The following GRIP1 variants were observed in gnomAD, a reference collection of about 807,000 sequenced individuals.
The protein encoded by GRIP1 is glutamate receptor interacting protein 1.
GRIP1 carries 45 observed loss-of-function variants against 129.9 expected under a neutral mutation model. That is an observed-to-expected ratio of 0.35 (90% CI 0.27 to 0.44). The LOEUF is 0.44. Among genes scored for constraint, GRIP1 ranks in the 20% least tolerant of loss-of-function variants. The pLI, the probability that GRIP1 is intolerant of heterozygous loss-of-function variation, is 1.00. For synonymous variants in GRIP1, 530 were observed against 520.8 expected, an observed-to-expected ratio of 1.02 and a Z score of -0.24; for missense variants, 1,196 against 1,396.8, an observed-to-expected ratio of 0.86 and a Z score of 2.29.
intron 1 of GRIP1, among the ~76,000 whole-genome samples, chr12:67,063,455 T>C (rs1011722752): frequency 1.5e-4 from 23 of 152,268 alleles, no homozygotes; most frequent in African/African-American, 5.5e-4. Context: ...AATAAGAAAA[T>C]TTGAATAAGT....
At chr12:66,819,321 G>A (rs1486429385) in intron 1 of GRIP1, among the ~76,000 whole-genome samples, 2 of 152,138 alleles carry the variant, frequency 1.3e-5, no homozygotes, top group Admixed American at 1.3e-4. Flanking sequence ...CACATAAGAT[G>A]GTAGTTATGT....
chr12:66,373,647 C>A (rs558428902), intron 22 of GRIP1, among the ~76,000 whole-genome samples: 1 of 152,174 alleles, frequency 6.6e-6, no homozygotes, highest in Admixed American at 6.5e-5. Context: ...ATATATCTAA[C>A]AACTTTGTTG....
chr12:66,564,884 T>A (rs1401442217), intron 2 of GRIP1, among the ~76,000 whole-genome samples: 9 of 152,276 alleles, frequency 5.9e-5, no homozygotes, highest in Admixed American at 3.3e-4. Context: ...CCAGTGATGA[T>A]GAGCATTTTT....
intron 1 of GRIP1, among the ~76,000 whole-genome samples, chr12:66,791,259 TAA>T (rs765864592): frequency 6.6e-6 from 1 of 152,152 alleles, no homozygotes; most frequent in Non-Finnish European, 1.5e-5. Context: ...CAGAGTCAAG[TAA>T]ACTAAGAAGT....
chr12:66,455,288 A>C lies in GRIP1; in HGVS notation c.1354+121T>G. The C allele has an allele frequency of 4.4e-6, 4 of 913,562 alleles. No individual in the cohort carries two copies. In the South Asian group the frequency reaches 5.3e-5, roughly 12 times the overall value. 56.6% of individuals were successfully genotyped at this position (913,562 alleles called of 1,614,324 possible). A position where few individuals can be genotyped will look rare whatever the true frequency, so the allele number is the denominator to read the frequency against. ...TTTGGCACAGAGCTGTTAGCTGCTCAGCATCTACCTGATCACTTAAGCAAC... is the reference window on the plus strand; with the variant it reads ...TTTGGCACAGAGCTGTTAGCTGCTCCGCATCTACCTGATCACTTAAGCAAC... On this transcript the variant is annotated intron_variant, in intron 11 of 24. Transcript: ENST00000359742.
chr12:66,805,145 T>C (rs1179933142), upstream of GRIP1, among the ~76,000 whole-genome samples: 3 of 152,136 alleles, frequency 2.0e-5, no homozygotes, highest in Non-Finnish European at 4.4e-5. Context: ...CCTAGCTCAA[T>C]TGTTACATTT....
At chr12:66,996,089 A>ATATC (rs1428734315) in intron 1 of GRIP1, among the ~76,000 whole-genome samples, 1 of 152,178 alleles carries the variant, frequency 6.6e-6, no homozygotes, top group Non-Finnish European at 1.5e-5. Flanking sequence ...CAGAATAGGC[A>ATATC]TATCTACCGA....
chr12:66,721,467 G>A (rs574275037), intron 1 of GRIP1, among the ~76,000 whole-genome samples: 55 of 152,108 alleles, frequency 3.6e-4, no homozygotes, highest in Middle Eastern at 3.4e-3. Context: ...TAGAGAAAGC[G>A]TTTTATCATG....
intron 19 of GRIP1, among the ~76,000 whole-genome samples, chr12:66,384,766 G>A (rs2137434908): frequency 6.6e-6 from 1 of 152,330 alleles, no homozygotes; most frequent in East Asian, 1.9e-4. Context: ...AGTGAGTAGA[G>A]GGAGTGAGAT....
chr12:66,363,705 A>G (rs73119383), intron 23 of GRIP1, among the ~76,000 whole-genome samples: 1 of 152,138 alleles, frequency 6.6e-6, no homozygotes, highest in Non-Finnish European at 1.5e-5. Context: ...AACCTAGAGG[A>G]CATTATGTTA....
intron 1 of GRIP1, among the ~76,000 whole-genome samples, chr12:66,829,526 A>T (rs1200702151): frequency 6.6e-6 from 1 of 152,034 alleles, no homozygotes; most frequent in African/African-American, 2.4e-5. Context: ...CAAGCCCCTA[A>T]CCCTTGATCC....
rs139788312 is a variant in GRIP1 at position 66,451,247 on chromosome 12, C to G, written c.1354+4162G>C. On this transcript the variant is annotated intron_variant, in intron 11 of 24. Transcript: ENST00000359742. Reference sequence around the variant, plus strand: ...TAGTGTAAGAAAGGGCAGGGGGAGCCAAAAACACCTCCAAAAGTTTAAAAA... The same window carrying G: ...TAGTGTAAGAAAGGGCAGGGGGAGCGAAAAACACCTCCAAAAGTTTAAAAA... Among the ~76,000 whole-genome samples the G allele has an allele frequency of 3.9e-3, 586 of 151,694 alleles. 8 individuals are homozygous for G. The highest frequency in any genetic ancestry group is 0.013 in the African/African-American group (546 of 41,356).
chr12:66,840,441 T>A (rs538027287), intron 1 of GRIP1, among the ~76,000 whole-genome samples: 1 of 152,218 alleles, frequency 6.6e-6, no homozygotes, highest in South Asian at 2.1e-4. Flanking sequence ...AGAGGCAACT[T>A]TTAAAAAAGA....
At chr12:66,641,541 TCA>T (rs944874787) in intron 1 of GRIP1, among the ~76,000 whole-genome samples, 1 of 152,230 alleles carries the variant, frequency 6.6e-6, no homozygotes, top group African/African-American at 2.4e-5. Context: ...ATAAAAATTA[TCA>T]CACATGAAAA....
At chr12:66,486,451 C>A (rs2059957417) in intron 7 of GRIP1, among the ~76,000 whole-genome samples, 1 of 152,070 alleles carries the variant, frequency 6.6e-6, no homozygotes, top group Non-Finnish European at 1.5e-5. Context: ...CCATAATTCC[C>A]ACATGTTGTG....
At chr12:67,041,033 C>A (rs1272524288) in intron 1 of GRIP1, among the ~76,000 whole-genome samples, 2 of 152,032 alleles carry the variant, frequency 1.3e-5, no homozygotes, top group Non-Finnish European at 2.9e-5. Context: ...CAGCAGACTG[C>A]CTTTGGACTC....
intron 1 of GRIP1, among the ~76,000 whole-genome samples, chr12:67,016,576 T>C (rs2135730786): frequency 6.6e-6 from 1 of 152,250 alleles, no homozygotes; most frequent in South Asian, 2.1e-4. Flanking sequence ...CTTTATCTAG[T>C]TACTTCTGAC....
At chr12:67,041,069 C>T (rs1359253540) in intron 1 of GRIP1, among the ~76,000 whole-genome samples, 1 of 152,048 alleles carries the variant, frequency 6.6e-6, no homozygotes, top group African/African-American at 2.4e-5. Context: ...CCTGAGTGTC[C>T]ACCCTGCAGG....
chr12:66,826,884 TG>T (rs1306321743), intron 1 of GRIP1, among the ~76,000 whole-genome samples: 1 of 152,102 alleles, frequency 6.6e-6, no homozygotes, highest in Non-Finnish European at 1.5e-5. Context: ...TCTGTATGTA[TG>T]TTTTTTTAAA....
Sources: allele counts gnomAD v4.1 joint callset (sites outside exome capture counted in the v4.1 genomes callset), GRCh38; gene constraint gnomAD v4.1.1; transcripts MANE v1.5; gene names NCBI Gene and HGNC (gene_info 2026-07-23, HGNC 2026-07-21).